PCDH15: variants seen among roughly 807,000 people sequenced by gnomAD.
The protein encoded by PCDH15 is protocadherin-15.
In PCDH15, 129 loss-of-function variants were observed where a neutral mutation model predicts 178.5. That is an observed-to-expected ratio of 0.72 (90% CI 0.63 to 0.84). The LOEUF is 0.84. PCDH15 is among the 40% of genes least tolerant of loss of function. The probability of loss-of-function intolerance (pLI) is 0.00; values close to 1 mark genes in which losing one functional copy is unlikely to be tolerated. For synonymous variants in PCDH15, 800 were observed against 732.0 expected (o/e 1.09, Z -1.50); for missense variants, 2,230 against 2,099.9 (o/e 1.06, Z -1.21).
chr10:54,383,860 C>T (rs1032293437), intron 3 of PCDH15, among the ~76,000 whole-genome samples: 5 of 151,924 alleles, frequency 3.3e-5, no homozygotes, highest in African/African-American at 1.2e-4. Flanking sequence ...GCTCTGTTGC[C>T]CAGGCTGGAG....
chr10:55,301,772 T>C (rs768862625), intron 1 of PCDH15, among the ~76,000 whole-genome samples: 14 of 152,184 alleles, frequency 9.2e-5, no homozygotes, highest in Non-Finnish European at 1.5e-4. Context: ...TTACTAACTT[T>C]TGAGACTTCT....
intron 2 of PCDH15, among the ~76,000 whole-genome samples, chr10:55,105,770 A>G (rs1181424203): frequency 6.6e-6 from 1 of 152,168 alleles, no homozygotes; most frequent in Non-Finnish European, 1.5e-5. Context: ...TGCATGTGTA[A>G]CAATACATTT....
chr10:55,284,693 C>A (rs965428154), intron 1 of PCDH15, among the ~76,000 whole-genome samples: 4 of 151,970 alleles, frequency 2.6e-5, no homozygotes, highest in Non-Finnish European at 4.4e-5. Context: ...AATCTCTAAC[C>A]TGTCTTTTGC....
At chr10:55,333,726 G>A (rs908823032) in intron 2 of PCDH15, among the ~76,000 whole-genome samples, 2 of 151,886 alleles carry the variant, frequency 1.3e-5, no homozygotes, top group Non-Finnish European at 2.9e-5. Context: ...TGGGGGTATG[G>A]AACAGGAACG....
intron 2 of PCDH15, among the ~76,000 whole-genome samples, chr10:55,001,187 A>T (rs1839786676): frequency 6.6e-6 from 1 of 152,114 alleles, no homozygotes; most frequent in Admixed American, 6.6e-5. Flanking sequence ...CTGCCTGCAG[A>T]AAGAAGCTAC....
upstream of PCDH15, among the ~76,000 whole-genome samples, chr10:55,321,976 A>G (rs150840484): frequency 5.1e-3 from 775 of 152,308 alleles, 8 homozygotes; most frequent in African/African-American, 0.018. Context: ...AGCTAACAAC[A>G]CAGTGATGGG....
At chr10:54,789,435 A>G (rs890919475) in intron 1 of PCDH15, among the ~76,000 whole-genome samples, 7 of 151,370 alleles carry the variant, frequency 4.6e-5, no homozygotes, top group Non-Finnish European at 7.4e-5. Context: ...GTGTGTGTGT[A>G]TGTGTGTGTG....
At chr10:53,984,215 T>C (rs1300457003) in intron 21 of PCDH15, among the ~76,000 whole-genome samples, 1 of 137,816 alleles carries the variant, frequency 7.3e-6, no homozygotes, top group Non-Finnish European at 1.5e-5. Context: ...AGTGGTGCAA[T>C]CTCTGCTCAC....
At position 54,020,384 on chromosome 10, in the gene PCDH15, A is replaced by G. The variant is rs764838211; in HGVS notation, c.2559T>C (p.Ser853=). Residue 853 remains serine (S), a synonymous_variant, in exon 20 of 38, where the codon TCT becomes TCC. Transcript: ENST00000644397. The part of the protein sequence containing the change: ...AKDVDLGANV[S]YRIRSPEVKH... ...TCACTTCTGGGCTTCTTATCCGGTA[A>G]GACACATTTGCTCCAAGGTCGACAT... is the stretch of plus-strand genomic sequence containing the variant. 5 of 1,613,838 alleles carry G rather than the reference A, an allele frequency of 3.1e-6. No individual in the cohort carries two copies. The South Asian group carries it at 5.5e-5, about 18-fold the overall frequency.
At chr10:54,405,129 C>T (rs1403180847) in intron 3 of PCDH15, among the ~76,000 whole-genome samples, 2 of 151,912 alleles carry the variant, frequency 1.3e-5, no homozygotes, top group African/African-American at 2.4e-5. Flanking sequence ...AAATACCATC[C>T]GACCCTGCAA....
At chr10:55,213,944 G>T (rs1362299412) in intron 1 of PCDH15, among the ~76,000 whole-genome samples, 5 of 151,528 alleles carry the variant, frequency 3.3e-5, no homozygotes, top group Non-Finnish European at 7.4e-5. Flanking sequence ...TAGCTATATT[G>T]CATGCATTTT....
chr10:54,300,636 T>G (rs1345411202), intron 8 of PCDH15, among the ~76,000 whole-genome samples: 1 of 152,160 alleles, frequency 6.6e-6, no homozygotes, highest in Non-Finnish European at 1.5e-5. Context: ...TGAAGCCAGC[T>G]GAGCTTCTGG....
chr10:55,139,426 TAA>T (rs1838288848), intron 2 of PCDH15, among the ~76,000 whole-genome samples: 1 of 152,078 alleles, frequency 6.6e-6, no homozygotes, highest in Non-Finnish European at 1.5e-5. Flanking sequence ...ATTTTAGATA[TAA>T]GTCCATGCTC....
At chr10:53,868,205 T>G (rs189887761) in intron 26 of PCDH15, among the ~76,000 whole-genome samples, 2 of 152,188 alleles carry the variant, frequency 1.3e-5, no homozygotes, top group Non-Finnish European at 2.9e-5. Context: ...TTATACATTT[T>G]CATTTGTTAT....
chr10:54,729,949 A>G (rs1220552480), intron 1 of PCDH15, among the ~76,000 whole-genome samples: 2 of 151,570 alleles, frequency 1.3e-5, no homozygotes, highest in Non-Finnish European at 3.0e-5. Context: ...CACCGCTGGT[A>G]GGAGTGCAAA....
chr10:54,858,663 C>T (rs1953783722), intron 3 of PCDH15, among the ~76,000 whole-genome samples: 1 of 151,900 alleles, frequency 6.6e-6, no homozygotes, highest in Non-Finnish European at 1.5e-5. Context: ...ACATTGATAG[C>T]TTTTAATAAA....
At chr10:54,483,578 G>A (rs562979994) in intron 3 of PCDH15, among the ~76,000 whole-genome samples, 3 of 151,824 alleles carry the variant, frequency 2.0e-5, no homozygotes, top group East Asian at 1.9e-4. Flanking sequence ...ATAGGTCTGC[G>A]AGAAAATTGT....
At chr10:54,264,159 G>A (rs1204771205) in intron 8 of PCDH15, among the ~76,000 whole-genome samples, 1 of 152,048 alleles carries the variant, frequency 6.6e-6, no homozygotes, top group African/African-American at 2.4e-5. Context: ...GGCCTATTGT[G>A]GGACTTTAAC....
At chr10:55,215,337 G>A (rs1268973607) in intron 1 of PCDH15, among the ~76,000 whole-genome samples, 1 of 152,014 alleles carries the variant, frequency 6.6e-6, no homozygotes, top group East Asian at 1.9e-4. Flanking sequence ...GTGTACTTAG[G>A]CCTGATGTAG....
Sources: gnomAD v4.1 joint callset for allele counts (sites outside exome capture counted in the v4.1 genomes callset) on GRCh38, gnomAD v4.1.1 for gene constraint, MANE v1.5 for transcripts, NCBI Gene and HGNC (gene_info 2026-07-23, HGNC 2026-07-21) for gene names.